BBS7: variants seen among roughly 807,000 people sequenced by gnomAD.
The protein encoded by BBS7 is Bardet-Biedl syndrome 7.
A neutral mutation model predicts 90.3 loss-of-function variants in BBS7; 50 were observed. The observed-to-expected ratio is 0.55, with a 90% CI of 0.44 to 0.70. BBS7 has a LOEUF of 0.70. Among genes scored for constraint, BBS7 ranks in the 30% least tolerant of loss-of-function variants. The pLI is 0.00. For missense variants in BBS7, 729 were observed against 838.9 expected (o/e 0.87, Z 1.62); for synonymous variants, 235 against 287.4 (o/e 0.82, Z 1.85).
chr4:121,842,253 A>G, intron 12 of BBS7, among the ~76,000 whole-genome samples: 1 of 112,204 alleles, frequency 8.9e-6, no homozygotes, highest in Non-Finnish European at 1.7e-5. Flanking sequence ...CTCCATCTCA[A>G]AAAAAAAAAA....
In BBS7 at chr4:121,828,710, A is replaced by T. The variant is rs1300498197; in HGVS notation, c.1695T>A (p.Phe565Leu). ...ESTYRKGEGVFKSDNISTISI... is the reference protein window; with the variant it reads ...ESTYRKGEGVLKSDNISTISI... ...AGATAGTAGAAATGTTGTCAGATTTAAAAACTCCCTCTCCTTTTCTATAAA... is the reference window on the plus strand; with the variant it reads ...AGATAGTAGAAATGTTGTCAGATTTTAAAACTCCCTCTCCTTTTCTATAAA... Residue 565 changes from phenylalanine to leucine, a missense_variant, in exon 16 of 19, where the codon TTT becomes TTA. Physicochemically the swap from Phe to Leu is conservative, Grantham distance 22. Coordinates refer to ENST00000264499, the MANE Select transcript of BBS7 (RefSeq NM_176824.3). 3.8e-6 allele frequency: 6 copies of T among 1,594,372 alleles called. No homozygotes were observed. The highest frequency in any genetic ancestry group is 5.1e-6 in the Non-Finnish European group (6 of 1,166,722).
rs751029709 is a variant in BBS7, at chr4:121,828,688, T to C, written c.1717A>G (p.Ile573Val). 9.9e-6 allele frequency: 16 copies of C among 1,608,290 alleles called. No individual in the cohort carries two copies. Among genetic ancestry groups the C allele is most frequent in the East Asian group, 6.7e-5 (3 of 44,676 alleles). ...GVFKSDNIST[I>V]SILKDVLSKE... Reference sequence around the variant, plus strand: ...GAAAGCACATCTTTTAGGATGGAGATAGTAGAAATGTTGTCAGATTTAAAA... The same window carrying C: ...GAAAGCACATCTTTTAGGATGGAGACAGTAGAAATGTTGTCAGATTTAAAA... The change falls in exon 16 of 19, where the codon ATC (isoleucine) becomes GTC (valine). Residue 573 changes from isoleucine to valine, a missense_variant. Coordinates refer to ENST00000264499, the MANE Select transcript of BBS7 (RefSeq NM_176824.3).
At position 121,845,576 on chromosome 4, in the gene BBS7, T is replaced by G; in HGVS notation, c.1158A>C (p.Thr386=). The G allele has an allele frequency of 6.2e-7, 1 of 1,613,164 alleles. No homozygotes were observed. Among genetic ancestry groups the G allele is most frequent in the Non-Finnish European group, 8.5e-7 (1 of 1,179,422 alleles). Residue 386 remains threonine, a synonymous_variant, in exon 11 of 19, where the codon ACA becomes ACC. Coordinates refer to ENST00000264499, the MANE Select transcript of BBS7 (RefSeq NM_176824.3). ...VPSFGINDKF[T]LNKDDASYSL... ...TGTAACTGGCATCATCTTTATTTAG[T>G]GTAAATTTATCATTTATACCAAAGG...
intron 9 of BBS7, among the ~76,000 whole-genome samples, chr4:121,848,136 CCTT>C (rs1304097509): frequency 1.3e-5 from 2 of 152,102 alleles, no homozygotes; most frequent in Non-Finnish European, 2.9e-5. Flanking sequence ...TACATTTTCT[CCTT>C]ATTTTTTAAC....
intron 13 of BBS7, 31 bp downstream of exon 13, chr4:121,839,600 T>A (rs745878024): frequency 3.8e-6 from 6 of 1,559,480 alleles, no homozygotes; most frequent in Admixed American, 3.3e-5. Flanking sequence ...AATTCAAACA[T>A]TCAAGTAAAG....
chr4:121,843,955 A>G lies in BBS7; in HGVS notation c.1277T>C (p.Val426Ala). ...DLLDVDKNSA[V>A]VSFSSCDSES... ...AGAATCACAGCTGCTAAAGCTAACA[A>G]CAGCAGAATTTTTATCCACATCAAG... is the stretch of plus-strand genomic sequence containing the variant. The change falls in exon 12 of 19, where the codon GTT (valine) becomes GCT (alanine). Residue 426 changes from valine (V) to alanine (A), a missense_variant. Transcript: ENST00000264499. The G allele has an allele frequency of 6.2e-7, 1 of 1,602,888 alleles. No individual in the cohort carries two copies.
intron 8 of BBS7, among the ~76,000 whole-genome samples, chr4:121,850,049 T>C (rs1726232345): frequency 6.6e-6 from 1 of 152,164 alleles, no homozygotes; most frequent in Non-Finnish European, 1.5e-5. Context: ...TAACCATCTT[T>C]TAAGCAGTAC....
Position 121,843,995 on chromosome 4 carries a change from C to G in BBS7, c.1237G>C (p.Val413Leu). Residue 413 changes from valine to leucine, a missense_variant, in exon 12 of 19, where the codon GTT becomes CTT. By Grantham distance (32) the Val-to-Leu change is conservative. Coordinates refer to ENST00000264499, the MANE Select transcript of BBS7 (RefSeq NM_176824.3). ...TCCACATCAAGTAAATCTATTGGAA[C>G]ATCACTCTATAGTCAATATTAAAAA... ...AIDNVLIQSDVPIDLLDVDKN... is the reference protein window; with the variant it reads ...AIDNVLIQSDLPIDLLDVDKN... The G allele has an allele frequency of 6.3e-7, 1 of 1,585,906 alleles. No individual in the cohort carries two copies. Among genetic ancestry groups the G allele is most frequent in the Non-Finnish European group, 8.6e-7 (1 of 1,159,206 alleles).
chr4:121,839,572 T>G, intron 13 of BBS7, 59 bp downstream of exon 13: 1 of 1,318,078 alleles, frequency 7.6e-7, no homozygotes, highest in Non-Finnish European at 1.1e-6. Flanking sequence ...TTGTAAGACA[T>G]ACCAGCAGGA....
At chr4:121,838,792 G>A (rs929920652) in intron 13 of BBS7, among the ~76,000 whole-genome samples, 1 of 151,856 alleles carries the variant, frequency 6.6e-6, no homozygotes, top group South Asian at 2.1e-4. Flanking sequence ...CTACTCAGGA[G>A]GCTGAGGCAG....
At chr4:121,870,107 A>C (rs557579474) in intron 1 of BBS7, among the ~76,000 whole-genome samples, 171 bp downstream of exon 1, 1 of 152,236 alleles carries the variant, frequency 6.6e-6, no homozygotes, top group South Asian at 2.1e-4. Context: ...GGACCGTCAC[A>C]GACGAAAGGG....
chr4:121,840,307 C>G (rs966473637), intron 12 of BBS7, among the ~76,000 whole-genome samples: 5 of 152,182 alleles, frequency 3.3e-5, no homozygotes, highest in African/African-American at 1.2e-4. Flanking sequence ...GCCTCCCCAG[C>G]CAGGTGGAAC....
At chr4:121,828,314 A>C (rs767528818) in intron 17 of BBS7, 45 bp from the exon 18 acceptor site, 1 of 1,595,290 alleles carries the variant, frequency 6.3e-7, no homozygotes. Flanking sequence ...TCAAAATTCA[A>C]TCCAATGTAA....
At chr4:121,855,775 AATGTATAC>A (rs542765167) in intron 5 of BBS7, among the ~76,000 whole-genome samples, 6,579 of 144,048 alleles carry the variant, frequency 0.046, 471 homozygotes, top group African/African-American at 0.15. Flanking sequence ...TATACGTATA[AATGTATAC>A]ATATATACGT....
chr4:121,833,426 T>C (rs569958678), intron 14 of BBS7, 31 bp from the exon 15 acceptor site: 1 of 1,598,620 alleles, frequency 6.3e-7, no homozygotes, highest in South Asian at 1.1e-5. Flanking sequence ...CGCACATTTA[T>C]GTGTGGGAAT....
chr4:121,842,285 T>C (rs896259518), intron 12 of BBS7, among the ~76,000 whole-genome samples: 10 of 149,952 alleles, frequency 6.7e-5, no homozygotes, highest in Non-Finnish European at 1.2e-4. Context: ...AAGAAAATTA[T>C]TCTTTTATCT....
chr4:121,838,843 C>A (rs1486950493), intron 13 of BBS7, among the ~76,000 whole-genome samples: 2 of 150,626 alleles, frequency 1.3e-5, no homozygotes, highest in Non-Finnish European at 3.0e-5. Context: ...TGCGGTGAAC[C>A]CAGATCATGC....
At position 121,845,443 on chromosome 4, in the gene BBS7, A is replaced by G. The variant is rs933927762; in HGVS notation, c.1230+61T>C. ...AAAAATGTTCAATAATAATTAGTAC[A>G]TATGACTGGTTTGCAAAATAGATCC... is the stretch of plus-strand genomic sequence containing the variant. On this transcript the variant is annotated intron_variant, in intron 11 of 18. Coordinates refer to ENST00000264499, the MANE Select transcript of BBS7 (RefSeq NM_176824.3). 3.4e-6 allele frequency: 4 copies of G among 1,159,532 alleles called. No individual in the cohort carries two copies. In the African/African-American group the frequency reaches 4.6e-5, roughly 13 times the overall value. 71.8% of individuals were successfully genotyped at this position (1,159,532 alleles called of 1,614,324 possible). A position where few individuals can be genotyped will look rare whatever the true frequency, so the allele number is the denominator to read the frequency against.
chr4:121,853,350 C>T (rs1244938647), intron 7 of BBS7, among the ~76,000 whole-genome samples: 1 of 152,098 alleles, frequency 6.6e-6, no homozygotes, highest in African/African-American at 2.4e-5. Context: ...AATTTGGTAT[C>T]TTCTCACAGA....
Sources: allele counts gnomAD v4.1 joint callset (sites outside exome capture counted in the v4.1 genomes callset), GRCh38; gene constraint gnomAD v4.1.1; transcripts MANE v1.5; gene names NCBI Gene and HGNC (gene_info 2026-07-23, HGNC 2026-07-21).